Variants in PITRM1 observed in about 807,000 individuals in gnomAD.
PITRM1 encodes the protein presequence protease, mitochondrial.
A neutral mutation model predicts 129.9 loss-of-function variants in PITRM1; 100 were observed. The ratio of observed to expected loss-of-function variants is 0.77; its 90% CI spans 0.65 to 0.91. The LOEUF (loss-of-function observed/expected upper bound fraction) is 0.91, where lower values mean the gene tolerates loss of function less well. Ranked by LOEUF, PITRM1 falls within the 40% of genes least tolerant of loss-of-function variation. The pLI is 0.00. For missense variants in PITRM1, 1,471 were observed against 1,318.3 expected (o/e 1.12, Z -1.79); for synonymous variants, 591 against 508.8 (o/e 1.16, Z -2.17).
Position 3,163,829 on chromosome 10 carries a change from G to C in PITRM1, c.687C>G (p.His229Gln). The stretch of plus-strand genomic sequence containing the variant: ...CACCCCCGGAGACCACTGAGTACGT[G>C]TGGTCAGGAAGAAGTCTGTTCTGAA... Reference protein sequence around the residue: ...QHLQNRLLPDHTYSVVSGGDP... With the variant: ...QHLQNRLLPDQTYSVVSGGDP... The change falls in exon 7 of 27, where the codon CAC becomes CAG. Residue 229 changes from histidine to glutamine, a missense_variant. Physicochemically the swap from His to Gln is conservative, Grantham distance 24 (BLOSUM62 0). Coordinates refer to ENST00000224949, the MANE Select transcript of PITRM1 (RefSeq NM_014889.4). 6.2e-7 allele frequency: 1 copy of C among 1,612,894 alleles called. No homozygotes were observed. The highest frequency in any genetic ancestry group is 8.5e-7 in the Non-Finnish European group (1 of 1,179,150).
At chr10:3,168,204 G>C (rs535686522) in intron 2 of PITRM1, among the ~76,000 whole-genome samples, 1 of 152,064 alleles carries the variant, frequency 6.6e-6, no homozygotes, top group Non-Finnish European at 1.5e-5. Context: ...AGCCTGCCAC[G>C]CAACAGTCAT....
intron 20 of PITRM1, chr10:3,145,955 G>A (rs1840819645): frequency 8.0e-6 from 4 of 501,212 alleles, no homozygotes; most frequent in South Asian, 6.6e-5. Context: ...CGCGGAGCCT[G>A]TGACTCTAAA....
Position 3,164,121 on chromosome 10 carries a change from A to G in PITRM1, c.631-236T>C, listed in dbSNP as rs543434773. On this transcript the variant is annotated intron_variant, in intron 6 of 26. Coordinates refer to ENST00000224949, the MANE Select transcript of PITRM1 (RefSeq NM_014889.4). ...ACCCAAGGATTGAGAAGAACAATGG[A>G]TTTTTTGATGTGTGGTGCAACAAAC... The G allele has an allele frequency of 1.6e-5, 4 of 251,060 alleles. No homozygotes were observed. The South Asian group carries it at 3.2e-4, about 20-fold the overall frequency. The allele number at this position is 251,060 out of a possible 1,614,324, so 15.6% of individuals were successfully genotyped here. A position where few individuals can be genotyped will look rare whatever the true frequency, so the allele number is the denominator to read the frequency against.
Position 3,144,285 on chromosome 10 carries a change from T to A in PITRM1, c.2532+7A>T. 1.3e-6 allele frequency: 2 copies of A among 1,542,002 alleles called. No homozygotes were observed. The highest frequency in any genetic ancestry group is 1.8e-6 in the Non-Finnish European group (2 of 1,136,818). Reference sequence around the variant, plus strand: ...CGCTGGCAACCCGGATGGGCTGTGGTTCTTACCATGACCAGCTTCCTAATG... The same window carrying A: ...CGCTGGCAACCCGGATGGGCTGTGGATCTTACCATGACCAGCTTCCTAATG... On this transcript the variant is annotated splice_region_variant and intron_variant, in intron 22 of 26. Coordinates refer to ENST00000224949, the MANE Select transcript of PITRM1 (RefSeq NM_014889.4).
intron 21 of PITRM1, among the ~76,000 whole-genome samples, chr10:3,144,728 C>T (rs1212929647): frequency 6.6e-6 from 1 of 152,044 alleles, no homozygotes; most frequent in Non-Finnish European, 1.5e-5. Context: ...TCACTTGAGC[C>T]CAGGAGGTCA....
chr10:3,170,366 T>C (rs1466409008), intron 1 of PITRM1, among the ~76,000 whole-genome samples, 160 bp from the exon 2 acceptor site: 2 of 152,258 alleles, frequency 1.3e-5, no homozygotes, highest in Non-Finnish European at 2.9e-5. Context: ...AACTGATTTC[T>C]GGTAAGGTCC....
intron 2 of PITRM1, among the ~76,000 whole-genome samples, chr10:3,167,361 A>AT (rs1371190720): frequency 6.6e-6 from 1 of 152,324 alleles, no homozygotes; most frequent in East Asian, 1.9e-4. Flanking sequence ...TATTTTTTAA[A>AT]TTTTTTATTC....
intron 22 of PITRM1, chr10:3,143,888 C>A: frequency 1.9e-6 from 1 of 529,138 alleles, no homozygotes; most frequent in Non-Finnish European, 3.6e-6. Flanking sequence ...CCACAAGGAA[C>A]CAAACCAAAC....
chr10:3,137,861 C>G lies in PITRM1; in HGVS notation c.*170G>C. 1 of 591,840 alleles carries G rather than the reference C, an allele frequency of 1.7e-6. No individual in the cohort carries two copies. Among genetic ancestry groups the G allele is most frequent in the South Asian group, 2.0e-5 (1 of 49,456 alleles). The allele number at this position is 591,840 out of a possible 1,614,324, so 36.7% of individuals were successfully genotyped here. ...CATGCATGATTATTTCAATGAACCT[C>G]TTCCTGGTCACTCTTAAGATAGATC... On this transcript the variant is annotated 3_prime_UTR_variant, in exon 27 of 27. Transcript: ENST00000224949.
rs757046227 is a variant in PITRM1, at chr10:3,158,151, T to C, written c.1139A>G (p.Tyr380Cys). The C allele has an allele frequency of 5.8e-6, 9 of 1,562,494 alleles. 1 individual carries two copies. In the South Asian group the frequency reaches 1.0e-4, roughly 18 times the overall value. The part of the protein sequence containing the change: ...LGTDFSPDVG[Y>C]NGYTREAYFS... ...GTAGGCCTCCCTCGTGTAGCCATTATATCTAGAAGACAAAACCAGAAATGA... is the reference window on the plus strand; with the variant it reads ...GTAGGCCTCCCTCGTGTAGCCATTACATCTAGAAGACAAAACCAGAAATGA... Residue 380 changes from tyrosine to cysteine, a missense_variant and splice_region_variant, in exon 11 of 27, where the codon TAT (tyrosine) becomes TGT (cysteine). By Grantham distance (194) the Tyr-to-Cys change is radical. Transcript: ENST00000224949.
chr10:3,166,792 C>T (rs771896975), intron 3 of PITRM1, 144 bp downstream of exon 3: 94 of 553,032 alleles, frequency 1.7e-4, no homozygotes, highest in Non-Finnish European at 2.4e-4. Context: ...TTTAGCTCAT[C>T]AGCTGTCCTT....
intron 4 of PITRM1, among the ~76,000 whole-genome samples, chr10:3,165,874 C>A (rs1842816008): frequency 1.3e-5 from 2 of 152,226 alleles, no homozygotes; most frequent in African/African-American, 4.8e-5. Context: ...GTCACTCCCC[C>A]ACAGAATGCA....
intron 7 of PITRM1, among the ~76,000 whole-genome samples, chr10:3,162,749 C>A (rs1230160352): frequency 1.3e-5 from 2 of 152,226 alleles, no homozygotes; most frequent in African/African-American, 4.8e-5. Flanking sequence ...GCGGGAACAG[C>A]CAGGCCACCT....
rs1376021509 is a variant in PITRM1, at chr10:3,147,969, T to C, written c.2069+18A>G. 1.3e-6 allele frequency: 2 copies of C among 1,581,356 alleles called. No homozygotes were observed. Among genetic ancestry groups the C allele is most frequent in the African/African-American group, 1.3e-5 (1 of 74,432 alleles). ...CTAGTACACCCCAAGAATGGACAAC[T>C]CTTGCAAATAAAGTTACTTGTTAAA... is the stretch of plus-strand genomic sequence containing the variant. On this transcript the variant is annotated intron_variant, in intron 18 of 26. Coordinates refer to ENST00000224949, the MANE Select transcript of PITRM1 (RefSeq NM_014889.4).
At position 3,160,421 on chromosome 10, in the gene PITRM1, T is replaced by A. The variant is rs1271394977; in HGVS notation, c.792-91A>T. The A allele has an allele frequency of 2.1e-5, 22 of 1,062,250 alleles. No individual in the cohort carries two copies. The East Asian group carries it at 5.3e-4, about 25-fold the overall frequency. 65.8% of individuals were successfully genotyped at this position (1,062,250 alleles called of 1,614,324 possible). On this transcript the variant is annotated intron_variant, in intron 7 of 26. Transcript: ENST00000224949. ...GTTTCACTGAAACACAGCACAGGAG[T>A]GCCCCTTACCCAAGGTCTCGCCTTT...
rs1273025321 is a variant in PITRM1 at position 3,147,519 on chromosome 10, T to C, written c.2235+53A>G. On this transcript the variant is annotated intron_variant, in intron 19 of 26. Coordinates refer to ENST00000224949, the MANE Select transcript of PITRM1 (RefSeq NM_014889.4). ...ATGTATTCCCAAAGAAATTAGTAAC[T>C]CTGGAATATGTGGCTAAACCGGAGT... 5.2e-6 allele frequency: 8 copies of C among 1,551,224 alleles called. No individual in the cohort carries two copies. The Middle Eastern group carries it at 6.0e-4, about 115-fold the overall frequency.
At position 3,144,261 on chromosome 10, in the gene PITRM1, G is replaced by T. The variant is rs185658916; in HGVS notation, c.2532+31C>A. The T allele has an allele frequency of 1.2e-5, 17 of 1,388,042 alleles. 1 individual carries two copies. The South Asian group carries it at 1.9e-4, about 15-fold the overall frequency. 86.0% of individuals were successfully genotyped at this position (1,388,042 alleles called of 1,614,324 possible). ...CAGCCATGCAGGGAAGCACCCACCC[G>T]CTGGCAACCCGGATGGGCTGTGGTT... On this transcript the variant is annotated intron_variant, in intron 22 of 26. Coordinates refer to ENST00000224949, the MANE Select transcript of PITRM1 (RefSeq NM_014889.4).
rs150563641 is a variant in PITRM1, at chr10:3,138,166, C to T, written c.3021-42G>A. 65 of 1,570,026 alleles carry T rather than the reference C, an allele frequency of 4.1e-5. 1 individual carries two copies. Among genetic ancestry groups the T allele is most frequent in the Middle Eastern group, 3.4e-4 (2 of 5,960 alleles). ...CGTGGTCAGCAAGGACTGGCTTCTGCGTGAGCGCTGTTAGAGTCAGCACGA... is the reference window on the plus strand; with the variant it reads ...CGTGGTCAGCAAGGACTGGCTTCTGTGTGAGCGCTGTTAGAGTCAGCACGA... On this transcript the variant is annotated intron_variant, in intron 26 of 26. Coordinates refer to ENST00000224949, the MANE Select transcript of PITRM1 (RefSeq NM_014889.4).
chr10:3,140,615 G>T, intron 24 of PITRM1, 72 bp downstream of exon 24: 2 of 1,380,492 alleles, frequency 1.4e-6, no homozygotes, highest in Non-Finnish European at 2.0e-6. Flanking sequence ...AGAAGAAAAT[G>T]ACACTGATAA....
Sources: gnomAD v4.1 joint callset for allele counts (sites outside exome capture counted in the v4.1 genomes callset) on GRCh38, gnomAD v4.1.1 for gene constraint, MANE v1.5 for transcripts, NCBI Gene and HGNC (gene_info 2026-07-23, HGNC 2026-07-21) for gene names.